EPB41L5: variants seen among roughly 807,000 people sequenced by gnomAD.
The protein encoded by EPB41L5 is erythrocyte membrane protein band 4.1 like 5.
Under a neutral mutation model 106.6 loss-of-function variants are expected in EPB41L5, and 55 were observed. The observed-to-expected ratio is 0.52, with a 90% CI of 0.42 to 0.65. The LOEUF (loss-of-function observed/expected upper bound fraction) is 0.65. EPB41L5 is among the 30% of genes least tolerant of loss of function. The probability of loss-of-function intolerance (pLI) is 0.00; values close to 1 mark genes in which losing one functional copy is unlikely to be tolerated. For missense variants in EPB41L5, 871 were observed against 882.1 expected (o/e 0.99, Z 0.16); for synonymous variants, 297 against 306.7 (o/e 0.97, Z 0.33).
intron 17 of EPB41L5, among the ~76,000 whole-genome samples, chr2:120,129,208 T>C (rs1316126000): frequency 6.6e-6 from 1 of 152,056 alleles, no homozygotes; most frequent in Non-Finnish European, 1.5e-5. Flanking sequence ...TGGTGGCACA[T>C]GTCTGCAATC....
intron 16 of EPB41L5, chr2:120,105,996 T>C: frequency 1.6e-5 from 16 of 985,386 alleles, no homozygotes; most frequent in Non-Finnish European, 1.9e-5. Context: ...TTAAAATTAT[T>C]CTTAATCTGC....
intron 1 of EPB41L5, among the ~76,000 whole-genome samples, chr2:120,017,776 A>C (rs571413725): frequency 6.6e-6 from 1 of 152,216 alleles, no homozygotes; most frequent in East Asian, 1.9e-4. Flanking sequence ...TTTTATTATG[A>C]ATGCTCAGAA....
chr2:120,078,659 G>A, intron 10 of EPB41L5, 78 bp downstream of exon 10: 2 of 935,626 alleles, frequency 2.1e-6, no homozygotes, highest in East Asian at 2.6e-5. Context: ...ACATAAACAA[G>A]TTTGGAAATC....
intron 21 of EPB41L5, among the ~76,000 whole-genome samples, chr2:120,163,143 T>G (rs1374327042): frequency 6.6e-6 from 1 of 152,006 alleles, no homozygotes; most frequent in Non-Finnish European, 1.5e-5. Flanking sequence ...TAGTCCTATC[T>G]TCTTGGGCAG....
intron 24 of EPB41L5, among the ~76,000 whole-genome samples, chr2:120,168,405 G>A (rs763710245): frequency 1.1e-4 from 17 of 152,182 alleles, no homozygotes; most frequent in Non-Finnish European, 1.5e-4. Flanking sequence ...TACTCCTAGG[G>A]TGAGAGCCCT....
intron 17 of EPB41L5, among the ~76,000 whole-genome samples, chr2:120,131,196 AT>A (rs1685670822): frequency 6.6e-6 from 1 of 152,222 alleles, no homozygotes; most frequent in African/African-American, 2.4e-5. Context: ...TTCCACATAA[AT>A]TTAGTTTTAG....
At chr2:120,167,572 C>T in intron 23 of EPB41L5, 65 bp downstream of exon 23, 3 of 1,502,794 alleles carry the variant, frequency 2.0e-6, no homozygotes, top group East Asian at 2.3e-5. Context: ...TAAAGGATTA[C>T]TAGGTTCTTT....
intron 12 of EPB41L5, among the ~76,000 whole-genome samples, 158 bp downstream of exon 12, chr2:120,090,674 A>G (rs542673185): frequency 6.6e-6 from 1 of 152,278 alleles, no homozygotes; most frequent in East Asian, 1.9e-4. Context: ...AAAAAGTGGT[A>G]TTGTTATTGG....
intron 18 of EPB41L5, among the ~76,000 whole-genome samples, chr2:120,139,035 G>T (rs1686059626): frequency 6.6e-6 from 1 of 151,856 alleles, no homozygotes; most frequent in South Asian, 2.1e-4. Context: ...CCATACATCT[G>T]CAGTGAGCTT....
chr2:120,106,010 A>T (rs958216936), intron 16 of EPB41L5: 6 of 985,088 alleles, frequency 6.1e-6, no homozygotes, highest in Middle Eastern at 5.2e-4. Context: ...AATCTGCAGG[A>T]CATGCTCATA....
chr2:120,017,484 T>G (rs560220582), intron 1 of EPB41L5, among the ~76,000 whole-genome samples: 2 of 152,242 alleles, frequency 1.3e-5, no homozygotes, highest in Non-Finnish European at 2.9e-5. Context: ...TTATGTGTAC[T>G]TAAACTCTCT....
intron 24 of EPB41L5, among the ~76,000 whole-genome samples, chr2:120,173,589 G>A (rs766656861): frequency 3.9e-5 from 6 of 152,140 alleles, no homozygotes; most frequent in Non-Finnish European, 7.4e-5. Context: ...AATAGAGAGT[G>A]GTACAGGTGA....
chr2:120,058,310 C>T (rs1680798372), intron 3 of EPB41L5, among the ~76,000 whole-genome samples: 1 of 152,040 alleles, frequency 6.6e-6, no homozygotes, highest in Non-Finnish European at 1.5e-5. Flanking sequence ...CTCAGCCTCC[C>T]AAGTAGGTAG....
At position 120,068,646 on chromosome 2, in the gene EPB41L5, T is replaced by C. The variant is rs923359608; in HGVS notation, c.286-4532T>C. On this transcript the variant is annotated intron_variant, in intron 3 of 24. Coordinates refer to ENST00000263713, the MANE Select transcript of EPB41L5 (RefSeq NM_020909.4). ...AATGACAGGATCAAATTCACACATA[T>C]AATATTAACCTTAAATGTAAACGGG... is the stretch of plus-strand genomic sequence containing the variant. 1.3e-4 allele frequency among the ~76,000 whole-genome samples: 20 copies of C among 152,074 alleles called. 3 individuals carry two copies. The highest frequency in any genetic ancestry group is 1.2e-3 in the Admixed American group (18 of 15,274).
chr2:120,170,592 A>G (rs1024260257), intron 24 of EPB41L5, among the ~76,000 whole-genome samples: 12 of 152,272 alleles, frequency 7.9e-5, no homozygotes, highest in African/African-American at 2.9e-4. Flanking sequence ...AAAGCAGTAG[A>G]GTCTGCTAGC....
intron 16 of EPB41L5, among the ~76,000 whole-genome samples, chr2:120,109,428 A>T (rs1184493928): frequency 3.3e-5 from 5 of 152,010 alleles, no homozygotes; most frequent in Non-Finnish European, 7.4e-5. Flanking sequence ...TTCCTACTTT[A>T]TTGAAAACAT....
chr2:120,171,698 T>G, intron 24 of EPB41L5, among the ~76,000 whole-genome samples: 1 of 152,364 alleles, frequency 6.6e-6, no homozygotes, highest in South Asian at 2.1e-4. Context: ...GATCCTCTGA[T>G]GAAATTGCCA....
chr2:120,068,954 C>A (rs1320903700), intron 3 of EPB41L5, among the ~76,000 whole-genome samples: 1 of 151,544 alleles, frequency 6.6e-6, no homozygotes, highest in Non-Finnish European at 1.5e-5. Context: ...ATGGAGTAAC[C>A]CTGTCTCTAC....
chr2:120,031,766 G>A (rs1678725045), intron 2 of EPB41L5, among the ~76,000 whole-genome samples: 1 of 152,102 alleles, frequency 6.6e-6, no homozygotes, highest in African/African-American at 2.4e-5. Flanking sequence ...TAGTACAGAG[G>A]AAGCAGGATT....
Sources: gnomAD v4.1 joint callset for allele counts (sites outside exome capture counted in the v4.1 genomes callset) on GRCh38, gnomAD v4.1.1 for gene constraint, MANE v1.5 for transcripts, NCBI Gene and HGNC (gene_info 2026-07-23, HGNC 2026-07-21) for gene names.